The following TTLL10 variants were observed in gnomAD, a reference collection of about 807,000 sequenced individuals.
The protein encoded by TTLL10 is tubulin tyrosine ligase like 10.
TTLL10 carries 61 observed loss-of-function variants against 69.0 expected under a neutral mutation model. The ratio of observed to expected loss-of-function variants is 0.88; its 90% CI spans 0.72 to 1.09. The LOEUF is 1.09. TTLL10 is among the 50% of genes least tolerant of loss of function. The pLI, the probability that TTLL10 is intolerant of heterozygous loss-of-function variation, is 0.00. For missense variants in TTLL10, 962 were observed against 945.9 expected (o/e 1.02, Z -0.22); for synonymous variants, 408 against 393.3 (o/e 1.04, Z -0.44).
At chr1:1,183,802 C>A (rs1012201021) in intron 11 of TTLL10, 118 bp from the exon 12 acceptor site, 4 of 1,361,078 alleles carry the variant, frequency 2.9e-6, no homozygotes, top group Non-Finnish European at 3.1e-6. Flanking sequence ...CTGGAGGTCA[C>A]ACCTGGGACA....
Position 1,185,592 on chromosome 1 carries a change from G to T in TTLL10, c.1401+483G>T. ...TCCTTTCTGTGGGGGTACCTGTGGG[G>T]TACTTCAAACAGCCCTAGCAGCAAA... On this transcript the variant is annotated intron_variant, in intron 13 of 15. Coordinates refer to ENST00000379289, the MANE Select transcript of TTLL10 (RefSeq NM_001130045.2). This position sits in a 1 kb window ranked among gnomAD's most constrained non-coding sequence, Gnocchi z 6.1. The T allele has an allele frequency of 1.0e-6, 1 of 989,702 alleles. No homozygotes were observed. Among genetic ancestry groups the T allele is most frequent in the African/African-American group, 1.7e-5 (1 of 57,422 alleles). The allele number at this position is 989,702 out of a possible 1,614,324, so 61.3% of individuals were successfully genotyped here.
intron 5 of TTLL10, 58 bp from the exon 6 acceptor site, chr1:1,179,976 T>G: frequency 1.4e-6 from 2 of 1,460,576 alleles, no homozygotes; most frequent in Non-Finnish European, 1.8e-6. Flanking sequence ...CTGAGCCATG[T>G]CCGGGCTGAG....
intron 13 of TTLL10, among the ~76,000 whole-genome samples, chr1:1,193,497 CTT>C (rs1402910602): frequency 3.3e-5 from 5 of 149,962 alleles, no homozygotes; most frequent in African/African-American, 4.9e-5. Flanking sequence ...GAGTTTCGCT[CTT>C]GTTGCCCAGG....
intron 11 of TTLL10, among the ~76,000 whole-genome samples, chr1:1,183,408 T>C (rs1315772500): frequency 6.6e-6 from 1 of 152,156 alleles, no homozygotes; most frequent in African/African-American, 2.4e-5. Flanking sequence ...ACTCCTTCCC[T>C]GAGTGGGAAG....
intron 3 of TTLL10, 97 bp from the exon 4 acceptor site, chr1:1,179,091 TG>T: frequency 1.2e-6 from 1 of 804,526 alleles, no homozygotes; most frequent in Non-Finnish European, 1.9e-6. Context: ...CGCCCTTTCC[TG>T]GGCAGGGTGG....
At chr1:1,179,768 C>A (rs1646986681) in intron 5 of TTLL10, 31 bp downstream of exon 5, 1 of 1,522,328 alleles carries the variant, frequency 6.6e-7, no homozygotes, top group Non-Finnish European at 8.8e-7. Context: ...GACCTCCCTG[C>A]CCCCTGCTCC....
intron 11 of TTLL10, 43 bp downstream of exon 11, chr1:1,183,090 T>C: frequency 1.3e-6 from 2 of 1,540,910 alleles, no homozygotes; most frequent in Non-Finnish European, 1.8e-6. Context: ...CTGGGCTGGC[T>C]GACCCGGGCC....
At chr1:1,176,186 C>T (rs1335102929) in intron 3 of TTLL10, 1 of 367,990 alleles carries the variant, frequency 2.7e-6, no homozygotes, top group African/African-American at 4.4e-5. Context: ...AGAGAGGCTG[C>T]CGCTGTGCCG....
At chr1:1,191,635 C>T (rs562742269) in intron 13 of TTLL10, among the ~76,000 whole-genome samples, 4 of 152,048 alleles carry the variant, frequency 2.6e-5, no homozygotes, top group African/African-American at 7.3e-5. Context: ...AACCCGGCGG[C>T]GCTAGAGGAA....
intron 10 of TTLL10, 81 bp downstream of exon 10, chr1:1,182,527 C>T (rs933431623): frequency 2.1e-6 from 3 of 1,445,582 alleles, no homozygotes; most frequent in Non-Finnish European, 1.9e-6. Flanking sequence ...CTGATGAGGG[C>T]AGGGCTGGGT....
At chr1:1,191,594 G>A (rs1408552898) in intron 13 of TTLL10, among the ~76,000 whole-genome samples, 1 of 152,202 alleles carries the variant, frequency 6.6e-6, no homozygotes, top group Non-Finnish European at 1.5e-5. Context: ...GTAGATGTCT[G>A]TGCCGAGACC....
intron 15 of TTLL10, 56 bp from the exon 16 acceptor site, chr1:1,197,371 ACCCTCCCCACC>A (rs1648297265): frequency 3.6e-6 from 1 of 278,728 alleles, no homozygotes; most frequent in Non-Finnish European, 6.4e-6. Context: ...CACCCCTCAC[ACCCTCCCCACC>A]CCCTCCAGCC....
chr1:1,180,458 T>TG, intron 6 of TTLL10, 25 bp from the exon 7 acceptor site: 2 of 942,132 alleles, frequency 2.1e-6, no homozygotes, highest in Non-Finnish European at 3.1e-6. Flanking sequence ...GGCCCCCAGG[T>TG]CACCCCCGCC....
chr1:1,197,681 C>A lies in TTLL10; in HGVS notation c.1856C>A (p.Pro619Gln). 6.6e-7 allele frequency: 1 copy of A among 1,506,478 alleles called. No homozygotes were observed. Among genetic ancestry groups the A allele is most frequent in the Non-Finnish European group, 8.8e-7 (1 of 1,134,536 alleles). The allele number at this position is 1,506,478 out of a possible 1,614,324, so 93.3% of individuals were successfully genotyped here. Residue 619 changes from proline to glutamine, a missense_variant, in exon 16 of 16, where the codon CCG becomes CAG. Pro to Gln is a moderately conservative substitution (Grantham distance 76). Transcript: ENST00000379289. ...ARRPAPPPLV[P>Q]QRPRPPGPDL... Reference sequence around the variant, plus strand: ...AGGCCTGCGCCACCTCCCTTGGTGCCGCAGCGTCCCCGGCCACCCGGCCCC... The same window carrying A: ...AGGCCTGCGCCACCTCCCTTGGTGCAGCAGCGTCCCCGGCCACCCGGCCCC...
At chr1:1,196,469 G>C in intron 13 of TTLL10, 131 bp from the exon 14 acceptor site, 1 of 677,124 alleles carries the variant, frequency 1.5e-6, no homozygotes, top group Admixed American at 2.1e-5. Flanking sequence ...ACGAACGTGT[G>C]GGCAGGTGTG....
rs1243582888 is a variant in TTLL10 at position 1,184,096 on chromosome 1, G to A, written c.1260+5G>A. The A allele has an allele frequency of 1.2e-6, 2 of 1,614,176 alleles. No individual in the cohort carries two copies. The highest frequency in any genetic ancestry group is 2.2e-5 in the South Asian group (2 of 91,090). On this transcript the variant is annotated splice_donor_5th_base_variant and intron_variant, in intron 12 of 15. Transcript: ENST00000379289. The stretch of plus-strand genomic sequence containing the variant: ...GGCGGCCACTTGACCAACCAGGTGA[G>A]TCTGCCATGGGTGAGGGCCCTCCCT...
chr1:1,178,476 G>A (rs1170999392), intron 3 of TTLL10, among the ~76,000 whole-genome samples: 1 of 151,722 alleles, frequency 6.6e-6, no homozygotes, highest in Non-Finnish European at 1.5e-5. Context: ...CAGGAGAATC[G>A]CTTGAACCTG....
chr1:1,180,844 G>A lies in TTLL10; in HGVS notation c.739G>A (p.Gly247Arg). 1 of 1,578,246 alleles carries A rather than the reference G, an allele frequency of 6.3e-7. No individual in the cohort carries two copies. Among genetic ancestry groups the A allele is most frequent in the Non-Finnish European group, 8.6e-7 (1 of 1,162,812 alleles). Residue 247 changes from glycine to arginine, a missense_variant, in exon 8 of 16, where the codon GGG becomes AGG. Coordinates refer to ENST00000379289, the MANE Select transcript of TTLL10 (RefSeq NM_001130045.2). ...RAMSKASKVP[G>R]GVQARLEKDA... is the part of the protein sequence containing the mutation. ...CATGAGCAAGGCCAGCAAGGTGCCG[G>A]GGGGGGTCCAGGCCAGGTGAGTCTG... is the stretch of plus-strand genomic sequence containing the variant.
At chr1:1,180,902 C>T in intron 8 of TTLL10, 42 bp downstream of exon 8, 1 of 1,506,592 alleles carries the variant, frequency 6.6e-7, no homozygotes, top group Non-Finnish European at 8.9e-7. Flanking sequence ...TGCGCCCGCC[C>T]CTACGCCTGC....
Sources: gnomAD v4.1 joint callset for allele counts (sites outside exome capture counted in the v4.1 genomes callset) on GRCh38, gnomAD v4.1.1 for gene constraint, Gnocchi (gnomAD v3.1) non-coding constraint, MANE v1.5 for transcripts, NCBI Gene and HGNC (gene_info 2026-07-23, HGNC 2026-07-21) for gene names.